Variants in FHIT observed in about 807,000 individuals in gnomAD.
FHIT encodes the protein bis(5'-adenosyl)-triphosphatase.
Under a neutral mutation model 17.9 loss-of-function variants are expected in FHIT, and 19 were observed. The observed-to-expected ratio is 1.06, with a 90% CI of 0.74 to 1.56. The LOEUF (loss-of-function observed/expected upper bound fraction) is 1.56. Among genes scored for constraint, FHIT ranks in the 40% most tolerant of loss-of-function variants. The probability of loss-of-function intolerance (pLI) is 0.00; values close to 1 mark genes in which losing one functional copy is unlikely to be tolerated. For missense variants in FHIT, 248 were observed against 189.2 expected (o/e 1.31, Z -1.82); for synonymous variants, 81 against 69.7 (o/e 1.16, Z -0.81).
At chr3:60,290,170 C>A (rs1398215374) in intron 5 of FHIT, among the ~76,000 whole-genome samples, 2 of 151,980 alleles carry the variant, frequency 1.3e-5, no homozygotes, top group Admixed American at 1.3e-4. Flanking sequence ...CAGCACATAC[C>A]CTAAGCTAGA....
intron 8 of FHIT, among the ~76,000 whole-genome samples, chr3:59,815,777 C>T (rs757728793): frequency 1.6e-4 from 25 of 151,994 alleles, no homozygotes; most frequent in Non-Finnish European, 3.2e-4. Context: ...GACTACACAT[C>T]GGGTACAGTG....
intron 5 of FHIT, among the ~76,000 whole-genome samples, chr3:60,087,627 G>A (rs998889534): frequency 2.0e-5 from 3 of 152,092 alleles, no homozygotes; most frequent in African/African-American, 7.2e-5. Context: ...TCACTTTTAA[G>A]TTCGACCTTC....
chr3:60,913,761 C>A (rs1706859651), intron 3 of FHIT, among the ~76,000 whole-genome samples: 1 of 152,178 alleles, frequency 6.6e-6, no homozygotes, highest in South Asian at 2.1e-4. Context: ...ATTCACATGC[C>A]CTTGGCTGAC....
chr3:59,822,712 A>G (rs1700840583), intron 8 of FHIT, among the ~76,000 whole-genome samples: 1 of 151,984 alleles, frequency 6.6e-6, no homozygotes, highest in Non-Finnish European at 1.5e-5. Flanking sequence ...CTTTTGTCAG[A>G]TATATAGATT....
Position 60,836,465 on chromosome 3 carries a change from A to C in FHIT, c.-110-14454T>G, listed in dbSNP as rs181944791. Reference sequence around the variant, plus strand: ...CAATTTTTAATAGTTATGGGCTTTTAAATATTATCTATTTCATGATAGGTG... The same window carrying C: ...CAATTTTTAATAGTTATGGGCTTTTCAATATTATCTATTTCATGATAGGTG... On this transcript the variant is annotated intron_variant, in intron 3 of 9. Transcript: ENST00000492590. Among the ~76,000 whole-genome samples, 11 of 152,266 alleles carry C rather than the reference A, an allele frequency of 7.2e-5. No individual in the cohort carries two copies. The East Asian group carries it at 2.1e-3, about 29-fold the overall frequency.
At chr3:60,156,655 G>C (rs1012805386) in intron 5 of FHIT, among the ~76,000 whole-genome samples, 1 of 152,092 alleles carries the variant, frequency 6.6e-6, no homozygotes, top group African/African-American at 2.4e-5. Context: ...AGGAGGCTGA[G>C]GTGAGAGGAT....
chr3:60,063,842 C>T (rs1470869272), intron 5 of FHIT, among the ~76,000 whole-genome samples: 1 of 152,094 alleles, frequency 6.6e-6, no homozygotes, highest in Admixed American at 6.6e-5. Flanking sequence ...ACCCATATAC[C>T]ATCCATTGGG....
At chr3:61,042,801 C>T (rs548503612) in intron 2 of FHIT, among the ~76,000 whole-genome samples, 4 of 150,774 alleles carry the variant, frequency 2.7e-5, no homozygotes, top group Non-Finnish European at 5.9e-5. Flanking sequence ...GATGGTGCCA[C>T]TGCACTCCAG....
chr3:60,926,832 A>G (rs1407857105), intron 3 of FHIT, among the ~76,000 whole-genome samples: 4 of 152,224 alleles, frequency 2.6e-5, no homozygotes, highest in Non-Finnish European at 5.9e-5. Flanking sequence ...AAGAAGAGAG[A>G]GAAGAATCAA....
chr3:59,789,859 C>T (rs1224749845), intron 8 of FHIT, among the ~76,000 whole-genome samples: 1 of 152,134 alleles, frequency 6.6e-6, no homozygotes, highest in Non-Finnish European at 1.5e-5. Context: ...AAAGTGAACC[C>T]ATTAAAAATG....
chr3:60,861,043 C>T (rs1162634068), intron 3 of FHIT, among the ~76,000 whole-genome samples: 1 of 97,306 alleles, frequency 1.0e-5, no homozygotes, highest in Non-Finnish European at 2.2e-5. Flanking sequence ...GTATATATGA[C>T]GTACGTCATA....
In FHIT at chr3:60,690,790, T is replaced by C. The variant is rs1448615344; in HGVS notation, c.-18+131129A>G. The C allele has an allele frequency of 2.6e-5, 9 of 342,018 alleles. No individual in the cohort carries two copies. In the East Asian group the frequency reaches 6.6e-4, roughly 25 times the overall value. The allele number at this position is 342,018 out of a possible 1,614,324, so 21.2% of individuals were successfully genotyped here. On this transcript the variant is annotated intron_variant, in intron 4 of 9. Coordinates refer to ENST00000492590, the MANE Select transcript of FHIT (RefSeq NM_002012.4). ...TCTGTTACTGAATTCTTAACTTCAATTTCTCTCTCAGTTACCTGGGCAGTG... is the reference window on the plus strand; with the variant it reads ...TCTGTTACTGAATTCTTAACTTCAACTTCTCTCTCAGTTACCTGGGCAGTG...
intron 4 of FHIT, among the ~76,000 whole-genome samples, chr3:60,791,089 A>C (rs782006729): frequency 6.6e-6 from 1 of 152,170 alleles, no homozygotes; most frequent in Non-Finnish European, 1.5e-5. Context: ...TTTGCTGGCC[A>C]TTTGGTTTAG....
chr3:60,785,894 A>AAAACACACACACACACAC (rs782044415), intron 4 of FHIT, among the ~76,000 whole-genome samples: 3 of 70,204 alleles, frequency 4.3e-5, no homozygotes, highest in African/African-American at 1.6e-4. Flanking sequence ...CAACAAACAG[A>AAAACACACACACACACAC]AGACACACAC....
chr3:60,634,984 A>C (rs2039543826), intron 4 of FHIT, among the ~76,000 whole-genome samples: 1 of 152,100 alleles, frequency 6.6e-6, no homozygotes, highest in African/African-American at 2.4e-5. Context: ...CAATCCTCGC[A>C]CCTCAGCCTC....
chr3:60,115,210 A>G (rs1704901475), intron 5 of FHIT, among the ~76,000 whole-genome samples: 1 of 152,310 alleles, frequency 6.6e-6, no homozygotes, highest in East Asian at 1.9e-4. Flanking sequence ...AGCTCCCCAA[A>G]GCCATTATCA....
intron 4 of FHIT, among the ~76,000 whole-genome samples, chr3:60,762,378 G>T (rs1030244775): frequency 2.6e-5 from 4 of 152,178 alleles, no homozygotes; most frequent in Admixed American, 2.6e-4. Flanking sequence ...AACACAGTTT[G>T]TTAGTGTTTG....
In FHIT at chr3:60,364,235, G is replaced by A. The variant is rs538536707; in HGVS notation, c.103+172625C>T. Among the ~76,000 whole-genome samples, 6 of 152,284 alleles carry A rather than the reference G, an allele frequency of 3.9e-5. No homozygotes were observed. The East Asian group carries it at 1.2e-3, about 29-fold the overall frequency. ...TCATTCCATGCTTTTCTACACCTCT[G>A]TGTGTGTGTACTCCATGCTGCTTTC... On this transcript the variant is annotated intron_variant, in intron 5 of 9. Transcript: ENST00000492590.
chr3:59,958,339 T>A (rs767685159), intron 7 of FHIT, among the ~76,000 whole-genome samples: 4 of 152,198 alleles, frequency 2.6e-5, no homozygotes, highest in African/African-American at 9.6e-5. Flanking sequence ...TTAATACACA[T>A]GATTCCTATA....
Sources: gnomAD v4.1 joint callset for allele counts (sites outside exome capture counted in the v4.1 genomes callset) on GRCh38, gnomAD v4.1.1 for gene constraint, MANE v1.5 for transcripts, NCBI Gene and HGNC (gene_info 2026-07-23, HGNC 2026-07-21) for gene names.